AGTPBP1: variants seen among roughly 807,000 people sequenced by gnomAD.
AGTPBP1 encodes the protein cytosolic carboxypeptidase 1.
AGTPBP1 carries 70 observed loss-of-function variants against 143.9 expected under a neutral mutation model. The ratio of observed to expected loss-of-function variants is 0.49; its 90% CI spans 0.40 to 0.59. AGTPBP1 has a LOEUF of 0.59. Among genes scored for constraint, AGTPBP1 ranks in the 20% least tolerant of loss-of-function variants. The pLI is 0.00. For missense variants in AGTPBP1, 1,229 were observed against 1,464.5 expected, an observed-to-expected ratio of 0.84 and a Z score of 2.62; for synonymous variants, 463 against 500.2, an observed-to-expected ratio of 0.93 and a Z score of 0.99.
At chr9:85,730,455 T>C (rs760535072) in intron 1 of AGTPBP1, among the ~76,000 whole-genome samples, 7 of 152,272 alleles carry the variant, frequency 4.6e-5, no homozygotes, top group Middle Eastern at 3.4e-3. Flanking sequence ...TTGGCTCCAG[T>C]AGGCAAGGCT....
the AGTPBP1 span, among the ~76,000 whole-genome samples, chr9:85,797,298 A>G: frequency 1.3e-5 from 2 of 152,050 alleles, no homozygotes; most frequent in Non-Finnish European, 2.9e-5. Flanking sequence ...AGGTAGAGAC[A>G]AAGTCTCACA....
At chr9:85,588,172 C>A in intron 21 of AGTPBP1, 126 bp downstream of exon 21, 1 of 738,378 alleles carries the variant, frequency 1.4e-6, no homozygotes, top group Non-Finnish European at 2.0e-6. Context: ...CTTAATTTCC[C>A]ACCAAAAATT....
At chr9:85,790,902 A>T in the AGTPBP1 span, among the ~76,000 whole-genome samples, 24 of 152,222 alleles carry the variant, frequency 1.6e-4, no homozygotes, top group Admixed American at 1.5e-3. Flanking sequence ...ATATTTTTTT[A>T]AAATGTATAC....
intron 2 of AGTPBP1, among the ~76,000 whole-genome samples, chr9:85,705,095 T>C (rs1486133757): frequency 2.0e-5 from 3 of 151,822 alleles, no homozygotes; most frequent in Non-Finnish European, 4.4e-5. Flanking sequence ...TCATTGAAGT[T>C]CCTGAAGGAC....
intron 17 of AGTPBP1, among the ~76,000 whole-genome samples, chr9:85,611,637 AAAC>A (rs1230094175): frequency 6.6e-6 from 1 of 152,236 alleles, no homozygotes; most frequent in Non-Finnish European, 1.5e-5. Flanking sequence ...GACAAAAAAT[AAAC>A]AAGGATATAG....
At chr9:85,774,148 C>G in the AGTPBP1 span, 1 of 770,826 alleles carries the variant, frequency 1.3e-6, no homozygotes, top group Non-Finnish European at 2.2e-6. Context: ...ATAGTTGCTA[C>G]TTAGACAAGT....
At chr9:85,798,711 T>C in the AGTPBP1 span, among the ~76,000 whole-genome samples, 4 of 152,230 alleles carry the variant, frequency 2.6e-5, no homozygotes, top group East Asian at 1.9e-4. Context: ...CTGTCTTTCA[T>C]GTAAGGAGGT....
In AGTPBP1 at chr9:85,661,070, T is replaced by C; in HGVS notation, c.663-97A>G. ...AATCTTTTTCAATAAGTCATTATTCTATTATCTATTCCAAAGTTTACTCTT... is the reference window on the plus strand; with the variant it reads ...AATCTTTTTCAATAAGTCATTATTCCATTATCTATTCCAAAGTTTACTCTT... On this transcript the variant is annotated intron_variant, in intron 8 of 25. Transcript: ENST00000357081. 1.9e-6 allele frequency: 2 copies of C among 1,037,894 alleles called. 1 individual carries two copies. Among genetic ancestry groups the C allele is most frequent in the South Asian group, 3.5e-5 (2 of 57,742 alleles). 64.3% of individuals were successfully genotyped at this position (1,037,894 alleles called of 1,614,324 possible).
intron 11 of AGTPBP1, among the ~76,000 whole-genome samples, chr9:85,653,241 G>A (rs1263948281): frequency 2.0e-5 from 3 of 151,564 alleles, no homozygotes; most frequent in Non-Finnish European, 2.9e-5. Flanking sequence ...GAAGGAGGAG[G>A]AGGAGGAAGG....
chr9:85,647,424 G>C (rs574310380), intron 11 of AGTPBP1, among the ~76,000 whole-genome samples: 2 of 152,232 alleles, frequency 1.3e-5, no homozygotes, highest in East Asian at 3.9e-4. Flanking sequence ...GAGCAGAAAG[G>C]AGTAAACATG....
chr9:85,635,049 T>C (rs555602734), intron 13 of AGTPBP1, among the ~76,000 whole-genome samples: 11 of 152,330 alleles, frequency 7.2e-5, no homozygotes, highest in Admixed American at 5.2e-4. Context: ...CACTTTTCTA[T>C]ACATCTGTTA....
intron 25 of AGTPBP1, among the ~76,000 whole-genome samples, chr9:85,570,076 C>A (rs1288270413): frequency 6.6e-6 from 1 of 152,020 alleles, no homozygotes; most frequent in Admixed American, 6.6e-5. Flanking sequence ...AGTAACAAAC[C>A]CCATATATCT....
chr9:85,599,444 A>G (rs1052613258), intron 17 of AGTPBP1, among the ~76,000 whole-genome samples: 1 of 151,696 alleles, frequency 6.6e-6, no homozygotes, highest in African/African-American at 2.4e-5. Context: ...TTTCTTCCTT[A>G]ATTTGGAAGC....
chr9:85,655,003 T>TAA (rs1283785585), intron 11 of AGTPBP1, 140 bp downstream of exon 11: 1 of 752,806 alleles, frequency 1.3e-6, no homozygotes, highest in Admixed American at 3.6e-5. Flanking sequence ...AAGAAATGCT[T>TAA]AACTAAAATA....
chr9:85,773,801 A>C, the AGTPBP1 span: 3 of 1,118,820 alleles, frequency 2.7e-6, no homozygotes, highest in Non-Finnish European at 4.0e-6. Flanking sequence ...TAGCTTATCT[A>C]AGACACACTT....
At chr9:85,582,105 G>A (rs1266845694) in intron 23 of AGTPBP1, among the ~76,000 whole-genome samples, 1 of 152,270 alleles carries the variant, frequency 6.6e-6, no homozygotes, top group African/African-American at 2.4e-5. Context: ...TGCAAAAACA[G>A]TACAAAGAAT....
intron 1 of AGTPBP1, among the ~76,000 whole-genome samples, chr9:85,718,975 T>C (rs1837914923): frequency 1.3e-5 from 2 of 152,170 alleles, no homozygotes; most frequent in Non-Finnish European, 2.9e-5. Context: ...GATCAGATGG[T>C]TGCAGATGTA....
At chr9:85,738,265 T>C (rs1318327292) in intron 1 of AGTPBP1, among the ~76,000 whole-genome samples, 1 of 151,970 alleles carries the variant, frequency 6.6e-6, no homozygotes, top group Non-Finnish European at 1.5e-5. Flanking sequence ...TGAAAGCATT[T>C]AGAGTTTTAA....
chr9:85,795,272 C>T, the AGTPBP1 span, among the ~76,000 whole-genome samples: 1 of 152,140 alleles, frequency 6.6e-6, no homozygotes, highest in Non-Finnish European at 1.5e-5. Flanking sequence ...ACCCATGTCT[C>T]TCTGTATCTT....
Sources: allele counts gnomAD v4.1 joint callset (sites outside exome capture counted in the v4.1 genomes callset), GRCh38; gene constraint gnomAD v4.1.1; transcripts MANE v1.5; gene names NCBI Gene and HGNC (gene_info 2026-07-23, HGNC 2026-07-21).